The following LMTK3 variants were observed in gnomAD, a reference collection of about 807,000 sequenced individuals.
LMTK3 encodes serine/threonine-protein kinase LMTK3.
Under a neutral mutation model 116.7 loss-of-function variants are expected in LMTK3, and 27 were observed. The ratio of observed to expected loss-of-function variants is 0.23; its 90% CI spans 0.17 to 0.32. The LOEUF (loss-of-function observed/expected upper bound fraction) is 0.32, where lower values mean the gene tolerates loss of function less well. Among genes scored for constraint, LMTK3 ranks in the 10% least tolerant of loss-of-function variants. The pLI is 1.00. For missense variants in LMTK3, 1,764 were observed against 2,068.5 expected, an observed-to-expected ratio of 0.85 and a Z score of 2.86; for synonymous variants, 965 against 971.0, an observed-to-expected ratio of 0.99 and a Z score of 0.11.
In LMTK3 at chr19:48,487,403, G is replaced by C. The variant is rs144252865; in HGVS notation, c.4367-1614C>G. 2.4e-3 allele frequency among the ~76,000 whole-genome samples: 367 copies of C among 152,228 alleles called. 3 individuals carry two copies. The highest frequency in any genetic ancestry group is 8.4e-3 in the African/African-American group (348 of 41,538). ...GTTGGCCGGCTGGTCTCGAACTCCT[G>C]ACCTCAAATGATCTGCCCGCCTTGG... is the stretch of plus-strand genomic sequence containing the variant. On this transcript the variant is annotated intron_variant, in intron 14 of 14. Transcript: ENST00000600059.
At chr19:48,496,281 T>TC (rs1410248434) in intron 11 of LMTK3, among the ~76,000 whole-genome samples, 1 of 151,692 alleles carries the variant, frequency 6.6e-6, no homozygotes, top group Non-Finnish European at 1.5e-5. Flanking sequence ...GCTAATTTTT[T>TC]CTTTTTTTCT....
At chr19:48,488,559 C>T (rs1972164637) in intron 14 of LMTK3, among the ~76,000 whole-genome samples, 1 of 152,086 alleles carries the variant, frequency 6.6e-6, no homozygotes, top group South Asian at 2.1e-4. Context: ...CTCTCCTCAG[C>T]CCTCCATGCA....
chr19:48,493,555 G>GC, intron 12 of LMTK3, 139 bp downstream of exon 12: 2 of 1,242,734 alleles, frequency 1.6e-6, no homozygotes, highest in Non-Finnish European at 2.1e-6. Context: ...CTCCCTTCAG[G>GC]CCCCGCCCCA....
intron 7 of LMTK3, 53 bp downstream of exon 7, chr19:48,502,380 C>T: frequency 2.5e-6 from 4 of 1,583,038 alleles, no homozygotes; most frequent in Non-Finnish European, 3.4e-6. Flanking sequence ...GAGGCCTCAC[C>T]TCCTTCCCCC....
Position 48,485,704 on chromosome 19 carries a change from C to G in LMTK3, c.*69G>C. 1 of 1,549,930 alleles carries G rather than the reference C, an allele frequency of 6.5e-7. No individual in the cohort carries two copies. The highest frequency in any genetic ancestry group is 8.8e-7 in the Non-Finnish European group (1 of 1,135,310). Reference sequence around the variant, plus strand: ...GCGTCTGCGGTGGTGGCAGTGGCGCCGTCATCCACAGAGGATTCCATTCTC... The same window carrying G: ...GCGTCTGCGGTGGTGGCAGTGGCGCGGTCATCCACAGAGGATTCCATTCTC... On this transcript the variant is annotated 3_prime_UTR_variant, in exon 15 of 15. Transcript: ENST00000600059.
chr19:48,509,003 C>G (rs976073008), intron 4 of LMTK3, 34 bp from the exon 5 acceptor site: 6 of 1,459,728 alleles, frequency 4.1e-6, no homozygotes, highest in Middle Eastern at 1.8e-4. Context: ...CAGCGAGTGC[C>G]GTTTCCCCAG....
intron 9 of LMTK3, 54 bp downstream of exon 9, chr19:48,501,229 G>A (rs2147549589): frequency 6.2e-7 from 1 of 1,608,730 alleles, no homozygotes; most frequent in Non-Finnish European, 8.5e-7. Context: ...GTGGCATCTA[G>A]TAACCCTTCC....
intron 11 of LMTK3, among the ~76,000 whole-genome samples, chr19:48,495,970 G>A (rs1004077997): frequency 1.3e-5 from 2 of 152,236 alleles, no homozygotes; most frequent in Admixed American, 6.5e-5. Context: ...CTATGGTGGT[G>A]GAGTTGTCAG....
intron 9 of LMTK3, 39 bp from the exon 10 acceptor site, chr19:48,501,184 C>G (rs1972459130): frequency 6.2e-7 from 1 of 1,604,860 alleles, no homozygotes; most frequent in Non-Finnish European, 8.5e-7. Flanking sequence ...CAGCCCTGAC[C>G]CACCCGGGCC....
Position 48,503,297 on chromosome 19 carries a change from C to T in LMTK3, c.558-301G>A, listed in dbSNP as rs146271411. On this transcript the variant is annotated intron_variant, in intron 5 of 14. Transcript: ENST00000600059. The stretch of plus-strand genomic sequence containing the variant: ...TCCTGACCTCAAGTGATCCACCCTC[C>T]TCAGGCTCCCAAAGTGCTGGGATTA... Among the ~76,000 whole-genome samples the T allele has an allele frequency of 7.2e-5, 11 of 152,290 alleles. No homozygotes were observed. In the East Asian group the frequency reaches 2.1e-3, roughly 29 times the overall value.
At position 48,497,518 on chromosome 19, in the gene LMTK3, C is replaced by T; in HGVS notation, c.3551G>A (p.Arg1184Lys). ...GCTGAGTGCCGTGTCTCCGCCGGCC[C>T]TGCTGTCTGGGGCCCCGGGCTCTCC... is the stretch of plus-strand genomic sequence containing the variant. ...PEGEPGAPDS[R>K]AGGDTALSGD... The change falls in exon 11 of 15, where the codon AGG (arginine) becomes AAG (lysine). Residue 1184 changes from arginine (R) to lysine (K), a missense_variant. By Grantham distance (26) the Arg-to-Lys change is conservative. Transcript: ENST00000600059. This position sits in a 1 kb window ranked among gnomAD's most constrained non-coding sequence, Gnocchi z 5.7. 1 of 1,434,746 alleles carries T rather than the reference C, an allele frequency of 7.0e-7. No individual in the cohort carries two copies. The highest frequency in any genetic ancestry group is 9.1e-7 in the Non-Finnish European group (1 of 1,092,922). The allele number at this position is 1,434,746 out of a possible 1,614,324, so 88.9% of individuals were successfully genotyped here. A position where few individuals can be genotyped will look rare whatever the true frequency, so the allele number is the denominator to read the frequency against.
In LMTK3 at chr19:48,501,354, C is replaced by T. The variant is rs746142833; in HGVS notation, c.930G>A (p.Ala310=). 1.9e-6 allele frequency: 3 copies of T among 1,613,296 alleles called. No homozygotes were observed. The highest frequency in any genetic ancestry group is 2.2e-5 in the East Asian group (1 of 44,874). Reference sequence around the variant, plus strand: ...GGAGCTCCCCGAGGAGCTCGGGCGCCGCCCAGCGCAGTGGGATCCACAGGC... The same window carrying T: ...GGAGCTCCCCGAGGAGCTCGGGCGCTGCCCAGCGCAGTGGGATCCACAGGC... The part of the protein sequence containing the change: ...PERLWIPLRW[A]APELLGELHG... The change falls in exon 9 of 15, where the codon GCG becomes GCA. Residue 310 remains alanine (A), a synonymous_variant. Coordinates refer to ENST00000600059, the MANE Select transcript of LMTK3 (RefSeq NM_001388485.1).
At position 48,493,748 on chromosome 19, in the gene LMTK3, C is replaced by T; in HGVS notation, c.4038G>A (p.Arg1346=). Residue 1346 remains arginine (R), a synonymous_variant, in exon 12 of 15, where the codon AGG becomes AGA. Transcript: ENST00000600059. ...CGTGGAAGGAGACCATCTTGCGCTT[C>T]CTCTCCAGCTCGCTGTCCTCTGGCT... is the stretch of plus-strand genomic sequence containing the variant. The part of the protein sequence containing the change: ...ADEPEDSELE[R]KRKMVSFHGD... The T allele has an allele frequency of 6.4e-7, 1 of 1,570,920 alleles. No homozygotes were observed. Among genetic ancestry groups the T allele is most frequent in the Non-Finnish European group, 8.6e-7 (1 of 1,159,944 alleles).
At chr19:48,504,616 C>T (rs952638030) in intron 5 of LMTK3, among the ~76,000 whole-genome samples, 5 of 151,964 alleles carry the variant, frequency 3.3e-5, no homozygotes, top group African/African-American at 1.2e-4. Context: ...GTGGTGCAAT[C>T]TCGGCTCACT....
rs1205371493 is a variant in LMTK3, at chr19:48,485,679, G to C, written c.*94C>G. 7.1e-7 allele frequency: 1 copy of C among 1,405,456 alleles called. No individual in the cohort carries two copies. The highest frequency in any genetic ancestry group is 1.4e-5 in the African/African-American group (1 of 70,264). 87.1% of individuals were successfully genotyped at this position (1,405,456 alleles called of 1,614,324 possible). ...AGCCTCGGGGGCCTCCCCAGAGGCG[G>C]CGTCTGCGGTGGTGGCAGTGGCGCC... On this transcript the variant is annotated 3_prime_UTR_variant, in exon 15 of 15. Coordinates refer to ENST00000600059, the MANE Select transcript of LMTK3 (RefSeq NM_001388485.1).
chr19:48,493,242 C>A (rs1052712483), intron 12 of LMTK3, among the ~76,000 whole-genome samples: 3 of 150,806 alleles, frequency 2.0e-5, no homozygotes, highest in African/African-American at 7.3e-5. Flanking sequence ...GTAGACCCCG[C>A]CCCACCCTAA....
rs1972444194 is a variant in LMTK3 at position 48,500,506 on chromosome 19, G to A, written c.1151+490C>T. Among the ~76,000 whole-genome samples, 1 of 152,210 alleles carries A rather than the reference G, an allele frequency of 6.6e-6. No individual in the cohort carries two copies. The highest frequency in any genetic ancestry group is 1.5e-5 in the Non-Finnish European group (1 of 68,036). ...AGAGAGGGGGACAGAGACCTAGAGA[G>A]AGAGGGAAACATAGACCCAAAAAGT... is the stretch of plus-strand genomic sequence containing the variant. On this transcript the variant is annotated intron_variant, in intron 10 of 14. Transcript: ENST00000600059. This position sits in a 1 kb window ranked among gnomAD's most constrained non-coding sequence, Gnocchi z 4.0.
chr19:48,509,366 G>C (rs1236358934), intron 4 of LMTK3, 71 bp downstream of exon 4: 19 of 1,372,942 alleles, frequency 1.4e-5, no homozygotes, highest in Non-Finnish European at 1.9e-5. Context: ...GTGAGAGCAG[G>C]GGTGTGGACA....
chr19:48,509,182 C>A (rs1050502517), intron 4 of LMTK3, among the ~76,000 whole-genome samples: 1 of 150,474 alleles, frequency 6.6e-6, no homozygotes, highest in Non-Finnish European at 1.5e-5. Flanking sequence ...GATGGACAGA[C>A]GGACGGACGC....
Sources: allele counts gnomAD v4.1 joint callset (sites outside exome capture counted in the v4.1 genomes callset), GRCh38; gene constraint gnomAD v4.1.1; non-coding constraint Gnocchi (gnomAD v3.1); transcripts MANE v1.5; gene names NCBI Gene and HGNC (gene_info 2026-07-23, HGNC 2026-07-21).